The following POLN variants were observed in gnomAD, a reference collection of about 807,000 sequenced individuals.
The protein encoded by POLN is DNA polymerase nu.
In POLN, 108 loss-of-function variants were observed where a neutral mutation model predicts 113.5. That is an observed-to-expected ratio of 0.95 (90% confidence interval 0.81 to 1.12). POLN has a LOEUF of 1.12. POLN is among the 50% of genes most tolerant of loss of function. POLN has a pLI of 0.00. For synonymous variants in POLN, 386 were observed against 391.5 expected, an observed-to-expected ratio of 0.99 and a Z score of 0.17; for missense variants, 1,097 against 1,077.1, an observed-to-expected ratio of 1.02 and a Z score of -0.26.
chr4:2,178,967 C>G (rs1733065111), intron 8 of POLN, among the ~76,000 whole-genome samples: 1 of 152,052 alleles, frequency 6.6e-6, no homozygotes. Flanking sequence ...AGTAGCCATC[C>G]CAGGACCTCT....
chr4:2,186,365 C>T (rs1387006773), intron 7 of POLN, among the ~76,000 whole-genome samples: 2 of 152,084 alleles, frequency 1.3e-5, no homozygotes, highest in Non-Finnish European at 2.9e-5. Flanking sequence ...GAGGAGACAC[C>T]AAATCAGAAA....
At chr4:2,196,063 C>G (rs1157642378) in intron 6 of POLN, among the ~76,000 whole-genome samples, 1 of 152,078 alleles carries the variant, frequency 6.6e-6, no homozygotes, top group Non-Finnish European at 1.5e-5. Context: ...TAAGGGAAGT[C>G]AGGAGGATAC....
intron 7 of POLN, among the ~76,000 whole-genome samples, chr4:2,182,909 T>C (rs1733178609): frequency 6.6e-6 from 1 of 151,656 alleles, no homozygotes; most frequent in Non-Finnish European, 1.5e-5. Flanking sequence ...GCAAATTGTA[T>C]ATCTGACAAT....
intron 2 of POLN, chr4:2,240,640 C>A (rs1302762214): frequency 1.9e-6 from 3 of 1,613,700 alleles, no homozygotes; most frequent in African/African-American, 2.7e-5. Flanking sequence ...ACCTCATCCT[C>A]TAATTTCTCC....
intron 5 of POLN, among the ~76,000 whole-genome samples, chr4:2,198,948 T>C (rs1482045571): frequency 6.6e-6 from 1 of 152,030 alleles, no homozygotes; most frequent in Non-Finnish European, 1.5e-5. Context: ...GGCAATATGA[T>C]AGGAGAAAGG....
intron 7 of POLN, among the ~76,000 whole-genome samples, chr4:2,184,199 T>C (rs139983408): frequency 7.1e-6 from 1 of 140,698 alleles, no homozygotes; most frequent in East Asian, 2.1e-4. Context: ...TCTTGCAAAA[T>C]TGACCCAAAA....
chr4:2,201,887 G>A (rs1382337207), intron 5 of POLN, among the ~76,000 whole-genome samples: 2 of 152,112 alleles, frequency 1.3e-5, no homozygotes, highest in African/African-American at 2.4e-5. Flanking sequence ...CCTATCTTCA[G>A]CCTCCTTAAA....
At chr4:2,118,345 T>C (rs1372962290) in intron 19 of POLN, among the ~76,000 whole-genome samples, 4 of 152,208 alleles carry the variant, frequency 2.6e-5, no homozygotes, top group Admixed American at 2.0e-4. Context: ...TGGCTGGACA[T>C]GAGAATCATC....
chr4:2,087,265 A>G (rs1481479935), intron 20 of POLN, among the ~76,000 whole-genome samples: 3 of 152,254 alleles, frequency 2.0e-5, no homozygotes, highest in Non-Finnish European at 2.9e-5. Flanking sequence ...ATATTCACAA[A>G]TAAGTTATGT....
At chr4:2,114,749 G>A (rs1731276445) in intron 19 of POLN, among the ~76,000 whole-genome samples, 3 of 152,118 alleles carry the variant, frequency 2.0e-5, no homozygotes, top group South Asian at 4.1e-4. Flanking sequence ...GGGATTTGGT[G>A]AGATTTTTGG....
At chr4:2,088,015 A>G (rs1730589003) in intron 20 of POLN, among the ~76,000 whole-genome samples, 10 of 152,110 alleles carry the variant, frequency 6.6e-5, no homozygotes, top group Admixed American at 6.6e-4. Context: ...TTTTTTGTTT[A>G]CACTTTTTAT....
chr4:2,092,619 G>T (rs1220747301), intron 20 of POLN, among the ~76,000 whole-genome samples: 8 of 152,214 alleles, frequency 5.3e-5, no homozygotes, highest in Non-Finnish European at 1.0e-4. Flanking sequence ...AAGTCCTGCT[G>T]CTTCCTCTGC....
intron 24 of POLN, 37 bp downstream of exon 24, chr4:2,075,415 T>C: frequency 1.2e-6 from 2 of 1,608,192 alleles, no homozygotes; most frequent in East Asian, 2.2e-5. Context: ...CTTAGCTGTC[T>C]GTGATGTCCA....
At chr4:2,081,559 G>T in intron 22 of POLN, 74 bp downstream of exon 22, 1 of 1,409,366 alleles carries the variant, frequency 7.1e-7, no homozygotes, top group Non-Finnish European at 1.0e-6. Context: ...ATCGGTGGGT[G>T]CCACCCAGCC....
intron 4 of POLN, among the ~76,000 whole-genome samples, chr4:2,211,236 G>A (rs1733985368): frequency 1.4e-5 from 2 of 145,184 alleles, no homozygotes; most frequent in African/African-American, 5.1e-5. Context: ...GTGACAGAGC[G>A]AGACTCCGTC....
intron 20 of POLN, chr4:2,089,098 C>A: frequency 1.0e-6 from 1 of 977,824 alleles, no homozygotes; most frequent in South Asian, 1.4e-5. Context: ...CTACTATAGG[C>A]TTTGGAAGAA....
intron 11 of POLN, among the ~76,000 whole-genome samples, chr4:2,173,202 A>G (rs1577740387): frequency 6.6e-6 from 1 of 152,198 alleles, no homozygotes; most frequent in Non-Finnish European, 1.5e-5. Flanking sequence ...AGGACTCTGG[A>G]AAGTCTGTGC....
chr4:2,180,012 T>TA (rs1733095707), intron 7 of POLN, among the ~76,000 whole-genome samples: 2 of 152,210 alleles, frequency 1.3e-5, no homozygotes, highest in South Asian at 4.1e-4. Context: ...AAGGCAAAGA[T>TA]ACTTTGGCAT....
intron 22 of POLN, 95 bp from the exon 23 acceptor site, chr4:2,081,131 C>A: frequency 6.2e-7 from 1 of 1,604,774 alleles, no homozygotes; most frequent in Non-Finnish European, 8.5e-7. Flanking sequence ...CACGGTACCT[C>A]CACACAGAGG....
Sources: allele counts gnomAD v4.1 joint callset (sites outside exome capture counted in the v4.1 genomes callset), GRCh38; gene constraint gnomAD v4.1.1; transcripts MANE v1.5; gene names NCBI Gene and HGNC (gene_info 2026-07-23, HGNC 2026-07-21).